GRIN2B: variants seen among roughly 807,000 people sequenced by gnomAD.
The protein encoded by GRIN2B is glutamate ionotropic receptor NMDA type subunit 2B, also known as glutamate receptor ionotropic, NMDA 2B.
In GRIN2B, 5 loss-of-function variants were observed where a neutral mutation model predicts 114.5. The observed-to-expected ratio is 0.04, with a 90% confidence interval of 0.02 to 0.09. The LOEUF (loss-of-function observed/expected upper bound fraction) is 0.09, where lower values mean the gene tolerates loss of function less well. GRIN2B is among the 10% of genes least tolerant of loss of function. The pLI, the probability that GRIN2B is intolerant of heterozygous loss-of-function variation, is 1.00. For synonymous variants in GRIN2B, 787 were observed against 745.1 expected (o/e 1.06, Z -0.92); for missense variants, 1,108 against 1,943.5 (o/e 0.57, Z 8.08).
At chr12:13,739,867 C>A (rs1206154748) in intron 4 of GRIN2B, among the ~76,000 whole-genome samples, 1 of 152,116 alleles carries the variant, frequency 6.6e-6, no homozygotes, top group South Asian at 2.1e-4. Context: ...AGGAACGCTG[C>A]TGAGTAGCAC....
At chr12:13,812,889 T>C (rs906792413) in intron 3 of GRIN2B, among the ~76,000 whole-genome samples, 5 of 152,126 alleles carry the variant, frequency 3.3e-5, no homozygotes, top group Non-Finnish European at 7.3e-5. Context: ...TAACCAGATA[T>C]TATTACTTGC....
At chr12:13,745,521 C>T (rs1252255481) in intron 4 of GRIN2B, among the ~76,000 whole-genome samples, 2 of 152,214 alleles carry the variant, frequency 1.3e-5, no homozygotes, top group African/African-American at 4.8e-5. Flanking sequence ...AGGTAGCATG[C>T]TCTAGCAAAG....
At chr12:13,826,274 C>T (rs1433836010) in intron 3 of GRIN2B, among the ~76,000 whole-genome samples, 1 of 152,020 alleles carries the variant, frequency 6.6e-6, no homozygotes, top group Admixed American at 6.6e-5. Flanking sequence ...AGTTCGAGAC[C>T]ATTCTGACCA....
At chr12:13,863,545 TA>T (rs1207656448) in intron 3 of GRIN2B, among the ~76,000 whole-genome samples, 17 of 152,312 alleles carry the variant, frequency 1.1e-4, no homozygotes, top group African/African-American at 4.1e-4. Flanking sequence ...TCCCCATCTG[TA>T]AGATAAAGAT....
rs1948295034 is a variant in GRIN2B, at chr12:13,542,757, A to G, written c.*20026T>C. ...CTTTACCAACTCCCAAATCCTGCCTAAGAATCAGTGGTTCATCACCAGCCA... is the reference window on the plus strand; with the variant it reads ...CTTTACCAACTCCCAAATCCTGCCTGAGAATCAGTGGTTCATCACCAGCCA... On this transcript the variant is annotated 3_prime_UTR_variant, in exon 14 of 14. Coordinates refer to ENST00000609686, the MANE Select transcript of GRIN2B (RefSeq NM_000834.5). 6.6e-6 allele frequency: 1 copy of G among 152,272 alleles called. No individual in the cohort carries two copies. Among genetic ancestry groups the G allele is most frequent in the Non-Finnish European group, 1.5e-5 (1 of 68,104 alleles). The allele number at this position is 152,272 out of a possible 1,614,324, so 9.4% of individuals were successfully genotyped here.
intron 2 of GRIN2B, among the ~76,000 whole-genome samples, chr12:13,952,826 T>A (rs1309572663): frequency 6.6e-6 from 1 of 151,948 alleles, no homozygotes; most frequent in African/African-American, 2.4e-5. Flanking sequence ...TATTAGACAG[T>A]ATACACATAT....
At chr12:13,879,513 A>G (rs1004014365) in intron 2 of GRIN2B, among the ~76,000 whole-genome samples, 2 of 150,042 alleles carry the variant, frequency 1.3e-5, no homozygotes, top group African/African-American at 5.0e-5. Flanking sequence ...AGAAATTAGA[A>G]TTAGTAAAAA....
At chr12:13,578,132 T>G (rs894661592) in intron 10 of GRIN2B, among the ~76,000 whole-genome samples, 4 of 152,168 alleles carry the variant, frequency 2.6e-5, no homozygotes, top group Non-Finnish European at 5.9e-5. Context: ...GTTGTAAAAG[T>G]TGGTATTAAA....
At position 13,792,136 on chromosome 12, in the gene GRIN2B, C is replaced by T. The variant is rs73053676; in HGVS notation, c.412-38221G>A. Reference sequence around the variant, plus strand: ...GTGACTGATGGCAGCATCTCAAGGGCAGCCACTGGCCATTGGCCTTGGACC... The same window carrying T: ...GTGACTGATGGCAGCATCTCAAGGGTAGCCACTGGCCATTGGCCTTGGACC... On this transcript the variant is annotated intron_variant, in intron 3 of 13. Coordinates refer to ENST00000609686, the MANE Select transcript of GRIN2B (RefSeq NM_000834.5). 5.2e-3 allele frequency among the ~76,000 whole-genome samples: 791 copies of T among 152,356 alleles called. 2 individuals are homozygous for T. Among genetic ancestry groups the T allele is most frequent in the Non-Finnish European group, 7.8e-3 (531 of 68,036 alleles).
intron 3 of GRIN2B, among the ~76,000 whole-genome samples, chr12:13,852,338 A>T (rs1472655137): frequency 6.6e-6 from 1 of 152,220 alleles, no homozygotes; most frequent in Non-Finnish European, 1.5e-5. Flanking sequence ...AAGGGACACT[A>T]GTGCATGGAA....
At position 13,822,328 on chromosome 12, in the gene GRIN2B, G is replaced by A. The variant is rs376685256; in HGVS notation, c.411+43470C>T. On this transcript the variant is annotated intron_variant, in intron 3 of 13. Transcript: ENST00000609686. ...TCCCTAAGGTAGGTCCACCCTCTCAGTTAGGCAGTAGTAAAAGATCTAAAC... is the reference window on the plus strand; with the variant it reads ...TCCCTAAGGTAGGTCCACCCTCTCAATTAGGCAGTAGTAAAAGATCTAAAC... Among the ~76,000 whole-genome samples the A allele has an allele frequency of 6.6e-5, 10 of 152,244 alleles. No homozygotes were observed. In the East Asian group the frequency reaches 1.4e-3, roughly 21 times the overall value.
At chr12:13,750,625 G>A (rs953117667) in intron 4 of GRIN2B, among the ~76,000 whole-genome samples, 13 of 152,162 alleles carry the variant, frequency 8.5e-5, no homozygotes, top group African/African-American at 2.7e-4. Context: ...AATTTAACAC[G>A]AAAAGCAGTG....
At chr12:13,723,415 T>C (rs932402893) in intron 4 of GRIN2B, among the ~76,000 whole-genome samples, 5 of 151,882 alleles carry the variant, frequency 3.3e-5, no homozygotes, top group African/African-American at 1.2e-4. Flanking sequence ...TGTACCCTTG[T>C]ATCAATTTTC....
Position 13,834,518 on chromosome 12 carries a change from C to A in GRIN2B, c.411+31280G>T, listed in dbSNP as rs531863079. Among the ~76,000 whole-genome samples, 91 of 152,296 alleles carry A rather than the reference C, an allele frequency of 6.0e-4. 1 individual carries two copies. Among genetic ancestry groups the A allele is most frequent in the Non-Finnish European group, 1.1e-3 (78 of 68,034 alleles). On this transcript the variant is annotated intron_variant, in intron 3 of 13. Transcript: ENST00000609686. ...TTCCCACTCTGGGCCCACATATCAG[C>A]AGCCCTGACACTGCCTGGGTTCCCA... is the stretch of plus-strand genomic sequence containing the variant.
At chr12:13,866,249 T>C (rs199873201) in intron 2 of GRIN2B, 23 bp from the exon 3 acceptor site, 19 of 1,594,036 alleles carry the variant, frequency 1.2e-5, no homozygotes, top group Admixed American at 1.7e-5. Context: ...AGAAAGAGCA[T>C]GTTAAAATAG....
chr12:13,795,142 C>T (rs1266601292), intron 3 of GRIN2B, among the ~76,000 whole-genome samples: 1 of 152,066 alleles, frequency 6.6e-6, no homozygotes, highest in African/African-American at 2.4e-5. Context: ...AAAAGTTTAA[C>T]AAGAACAAAT....
rs1183412131 is a variant in GRIN2B, at chr12:13,595,351, C to T, written c.2010+13252G>A. On this transcript the variant is annotated intron_variant, in intron 10 of 13. Coordinates refer to ENST00000609686, the MANE Select transcript of GRIN2B (RefSeq NM_000834.5). ...CCTTGACTACAGGTATTCTGAGGAT[C>T]GATACATTTGTGACCATGCCAGACC... 4.6e-5 allele frequency among the ~76,000 whole-genome samples: 7 copies of T among 152,088 alleles called. No individual in the cohort carries two copies. The South Asian group carries it at 6.2e-4, about 14-fold the overall frequency.
intron 2 of GRIN2B, among the ~76,000 whole-genome samples, chr12:13,924,306 A>C (rs910560721): frequency 3.9e-5 from 6 of 152,330 alleles, no homozygotes; most frequent in African/African-American, 1.4e-4. Flanking sequence ...TGAAGGGACT[A>C]TTTTAAAAGG....
At chr12:13,606,535 C>T (rs932872647) in intron 10 of GRIN2B, among the ~76,000 whole-genome samples, 2 of 152,190 alleles carry the variant, frequency 1.3e-5, no homozygotes, top group South Asian at 2.1e-4. Context: ...TTAGGCCCCA[C>T]CTTCAACACT....
Sources: allele counts gnomAD v4.1 joint callset (sites outside exome capture counted in the v4.1 genomes callset), GRCh38; gene constraint gnomAD v4.1.1; transcripts MANE v1.5; gene names NCBI Gene and HGNC (gene_info 2026-07-23, HGNC 2026-07-21).